C12orf42: variants seen among roughly 807,000 people sequenced by gnomAD.
C12orf42 encodes the protein uncharacterized protein C12orf42.
In C12orf42, 25 loss-of-function variants were observed where a neutral mutation model predicts 21.6. That is an observed-to-expected ratio of 1.16 (90% confidence interval 0.84 to 1.62). The LOEUF (loss-of-function observed/expected upper bound fraction) is 1.62. C12orf42 is among the 40% of genes most tolerant of loss of function. The pLI, the probability that C12orf42 is intolerant of heterozygous loss-of-function variation, is 0.00. For synonymous variants in C12orf42, 174 were observed against 175.0 expected (o/e 0.99, Z 0.05); for missense variants, 483 against 459.3 (o/e 1.05, Z -0.47).
chr12:103,443,027 C>T (rs979595104), intron 2 of C12orf42, among the ~76,000 whole-genome samples: 15 of 151,826 alleles, frequency 9.9e-5, no homozygotes, highest in South Asian at 6.2e-4. Flanking sequence ...ACATGGAAGA[C>T]GGGAAAAAAA....
chr12:103,245,536 A>C (rs2033968546), intron 10 of C12orf42, among the ~76,000 whole-genome samples: 1 of 152,100 alleles, frequency 6.6e-6, no homozygotes, highest in Non-Finnish European at 1.5e-5. Context: ...TAATGAGATA[A>C]CATAAATAAA....
intron 4 of C12orf42, among the ~76,000 whole-genome samples, chr12:103,330,609 T>G (rs1225594505): frequency 1.3e-5 from 2 of 152,222 alleles, no homozygotes; most frequent in Non-Finnish European, 2.9e-5. Flanking sequence ...AAAGGCCATT[T>G]GTCCGCTATC....
chr12:103,319,280 A>G (rs1291852865), intron 4 of C12orf42, among the ~76,000 whole-genome samples: 1 of 152,248 alleles, frequency 6.6e-6, no homozygotes, highest in Admixed American at 6.5e-5. Flanking sequence ...TTCAACAGGA[A>G]TGATGATCTT....
At chr12:103,302,976 A>T (rs1160183286) in intron 5 of C12orf42, among the ~76,000 whole-genome samples, 1 of 152,182 alleles carries the variant, frequency 6.6e-6, no homozygotes, top group East Asian at 1.9e-4. Context: ...GATATGTAAA[A>T]GCAAATGTGT....
At chr12:103,505,228 T>C in the C12orf42 span, among the ~76,000 whole-genome samples, 1 of 152,146 alleles carries the variant, frequency 6.6e-6, no homozygotes. Flanking sequence ...AGTGTGACAT[T>C]GAAGCAACTT....
At chr12:103,272,739 C>T (rs890998248) in intron 5 of C12orf42, among the ~76,000 whole-genome samples, 8 of 152,112 alleles carry the variant, frequency 5.3e-5, no homozygotes, top group African/African-American at 1.7e-4. Context: ...TAGAAACAAG[C>T]AAATCTGAAG....
At chr12:103,255,074 A>T (rs2034493411) in intron 10 of C12orf42, among the ~76,000 whole-genome samples, 1 of 152,096 alleles carries the variant, frequency 6.6e-6, no homozygotes, top group African/African-American at 2.4e-5. Context: ...ACTAATTTTT[A>T]TCATACAGAA....
At chr12:103,514,314 C>T in the C12orf42 span, among the ~76,000 whole-genome samples, 12 of 152,136 alleles carry the variant, frequency 7.9e-5, no homozygotes, top group Non-Finnish European at 5.9e-5. Flanking sequence ...ACAGCCAAAC[C>T]ATATCAGATG....
At chr12:103,290,448 G>A (rs1021347410) in intron 4 of C12orf42, among the ~76,000 whole-genome samples, 1 of 152,164 alleles carries the variant, frequency 6.6e-6, no homozygotes, top group African/African-American at 2.4e-5. Context: ...GTTAAAATGG[G>A]TCAACAGGCA....
the C12orf42 span, among the ~76,000 whole-genome samples, chr12:103,069,311 C>T: frequency 5.9e-4 from 90 of 151,654 alleles, no homozygotes; most frequent in Non-Finnish European, 1.6e-4. Flanking sequence ...AATGTTTATA[C>T]AGATTTTCCT....
chr12:103,173,955 A>G, the C12orf42 span, among the ~76,000 whole-genome samples: 2 of 152,184 alleles, frequency 1.3e-5, no homozygotes, highest in African/African-American at 4.8e-5. Flanking sequence ...CATAGAAGAC[A>G]AGGTGTTGGA....
intron 4 of C12orf42, among the ~76,000 whole-genome samples, chr12:103,336,188 C>T (rs1205365538): frequency 4.6e-5 from 7 of 152,212 alleles, no homozygotes; most frequent in African/African-American, 9.6e-5. Flanking sequence ...TGATATTGAA[C>T]ATAGCGCCTA....
the C12orf42 span, among the ~76,000 whole-genome samples, chr12:103,530,288 A>T: frequency 1.3e-5 from 2 of 152,178 alleles, no homozygotes; most frequent in Non-Finnish European, 2.9e-5. Context: ...AGCCCGGCTG[A>T]CTTATGAAGA....
At chr12:103,486,753 T>C (rs1201236235) in intron 1 of C12orf42, among the ~76,000 whole-genome samples, 1 of 152,210 alleles carries the variant, frequency 6.6e-6, no homozygotes, top group Non-Finnish European at 1.5e-5. Context: ...TGTGTAGAGG[T>C]GTTTACAGTA....
intron 2 of C12orf42, among the ~76,000 whole-genome samples, chr12:103,440,411 AAAAAT>A (rs566261160): frequency 6.8e-5 from 10 of 146,438 alleles, no homozygotes; most frequent in African/African-American, 2.0e-4. Context: ...AGTATAATAA[AAAAAT>A]AAAATAAAAT....
intron 2 of C12orf42, among the ~76,000 whole-genome samples, chr12:103,461,690 C>T (rs995168837): frequency 1.3e-5 from 2 of 152,188 alleles, no homozygotes; most frequent in Non-Finnish European, 2.9e-5. Context: ...AGTCACCTAA[C>T]TTCTCTGAGT....
intron 4 of C12orf42, among the ~76,000 whole-genome samples, chr12:103,290,761 G>A (rs2136361921): frequency 6.6e-6 from 1 of 152,212 alleles, no homozygotes; most frequent in East Asian, 1.9e-4. Context: ...AGAAAAAAGT[G>A]GTGTTAATTC....
At chr12:103,154,690 G>A in the C12orf42 span, among the ~76,000 whole-genome samples, 12 of 152,024 alleles carry the variant, frequency 7.9e-5, no homozygotes, top group Admixed American at 5.2e-4. Flanking sequence ...ATATTTTGCC[G>A]ATTTTCTATA....
chr12:103,453,400 A>G (rs528689469), intron 2 of C12orf42, among the ~76,000 whole-genome samples: 2 of 151,708 alleles, frequency 1.3e-5, no homozygotes, highest in East Asian at 3.9e-4. Flanking sequence ...ATTATGTCTT[A>G]TTTTTCATTC....
Sources: gnomAD v4.1 joint callset for allele counts (sites outside exome capture counted in the v4.1 genomes callset) on GRCh38, gnomAD v4.1.1 for gene constraint, MANE v1.5 for transcripts, NCBI Gene and HGNC (gene_info 2026-07-23, HGNC 2026-07-21) for gene names.